AGTPBP1: variants seen among roughly 807,000 people sequenced by gnomAD.
The protein encoded by AGTPBP1 is ATP/GTP binding carboxypeptidase 1, also known as cytosolic carboxypeptidase 1.
A neutral mutation model predicts 143.9 loss-of-function variants in AGTPBP1; 70 were observed. The observed-to-expected ratio is 0.49, with a 90% confidence interval of 0.40 to 0.59. AGTPBP1 has a LOEUF of 0.59. Among genes scored for constraint, AGTPBP1 ranks in the 20% least tolerant of loss-of-function variants. AGTPBP1 has a pLI of 0.00. For missense variants in AGTPBP1, 1,229 were observed against 1,464.5 expected (o/e 0.84, Z 2.62); for synonymous variants, 463 against 500.2 (o/e 0.93, Z 0.99).
intron 23 of AGTPBP1, among the ~76,000 whole-genome samples, chr9:85,584,722 G>A (rs938883407): frequency 3.9e-5 from 6 of 152,046 alleles, no homozygotes; most frequent in African/African-American, 9.7e-5. Flanking sequence ...GATCAACTGG[G>A]GGCAGGAAGG....
At chr9:85,728,330 T>G (rs1032771338) in intron 1 of AGTPBP1, among the ~76,000 whole-genome samples, 3 of 152,140 alleles carry the variant, frequency 2.0e-5, no homozygotes, top group African/African-American at 7.2e-5. Flanking sequence ...AACTTAACTT[T>G]GAGGAGGAGG....
At chr9:85,708,186 C>A (rs1440485782) in intron 2 of AGTPBP1, among the ~76,000 whole-genome samples, 1 of 152,154 alleles carries the variant, frequency 6.6e-6, no homozygotes, top group Non-Finnish European at 1.5e-5. Flanking sequence ...CTCATGGCCT[C>A]TTTTTTACAT....
chr9:85,723,085 G>C (rs1319302619), intron 1 of AGTPBP1, among the ~76,000 whole-genome samples: 1 of 152,168 alleles, frequency 6.6e-6, no homozygotes, highest in Admixed American at 6.5e-5. Flanking sequence ...GGAGGTGTCT[G>C]TCAGCCCCTA....
chr9:85,550,329 G>C (rs1334094274), intron 25 of AGTPBP1, among the ~76,000 whole-genome samples: 2 of 152,216 alleles, frequency 1.3e-5, no homozygotes, highest in South Asian at 4.1e-4. Context: ...CATTCAGACT[G>C]CTATTCCAAT....
At chr9:85,750,206 G>C in the AGTPBP1 span, among the ~76,000 whole-genome samples, 3,636 of 152,294 alleles carry the variant, frequency 0.024, 68 homozygotes, top group Non-Finnish European at 0.039. Context: ...AAATAGTAGA[G>C]AGTCAACTCC....
intron 17 of AGTPBP1, among the ~76,000 whole-genome samples, chr9:85,615,112 A>C (rs1830532742): frequency 6.6e-6 from 1 of 152,178 alleles, no homozygotes; most frequent in Non-Finnish European, 1.5e-5. Context: ...CTACTTAACC[A>C]CTAAGAATAG....
chr9:85,789,962 C>T, the AGTPBP1 span, among the ~76,000 whole-genome samples: 2 of 152,140 alleles, frequency 1.3e-5, no homozygotes, highest in African/African-American at 2.4e-5. Context: ...GGCACCTACT[C>T]GTGACTTTAA....
chr9:85,711,801 C>T (rs565193896), intron 2 of AGTPBP1, among the ~76,000 whole-genome samples: 42 of 152,234 alleles, frequency 2.8e-4, no homozygotes, highest in Admixed American at 6.5e-4. Flanking sequence ...CATGCAGTCC[C>T]TGTCATAACT....
intron 1 of AGTPBP1, among the ~76,000 whole-genome samples, chr9:85,733,982 G>A (rs903968189): frequency 6.6e-5 from 10 of 152,300 alleles, no homozygotes; most frequent in Admixed American, 5.9e-4. Context: ...GGCTGGGCAC[G>A]GTGGCTCACG....
chr9:85,657,950 AT>A (rs1833632139), intron 9 of AGTPBP1, among the ~76,000 whole-genome samples: 1 of 152,104 alleles, frequency 6.6e-6, no homozygotes, highest in Non-Finnish European at 1.5e-5. Flanking sequence ...AGCTTCAGGT[AT>A]TTTACAATTT....
Position 85,585,605 on chromosome 9 carries a change from T to C in AGTPBP1, c.3034-11A>G, listed in dbSNP as rs1213178564. 21 of 1,570,062 alleles carry C rather than the reference T, an allele frequency of 1.3e-5. No individual in the cohort carries two copies. Among genetic ancestry groups the C allele is most frequent in the Non-Finnish European group, 1.8e-5 (21 of 1,162,554 alleles). ...ATAATCACAATAAACCTTGAAAATA[T>C]ATATTTTAAAAATTAAAAGACTTCA... On this transcript the variant is annotated splice_polypyrimidine_tract_variant and intron_variant, in intron 22 of 25. Coordinates refer to ENST00000357081, the MANE Select transcript of AGTPBP1 (RefSeq NM_001330701.2).
chr9:85,767,971 T>C, the AGTPBP1 span, among the ~76,000 whole-genome samples: 1 of 152,134 alleles, frequency 6.6e-6, no homozygotes, highest in Non-Finnish European at 1.5e-5. Flanking sequence ...AGCTCCTGGG[T>C]ACACATTAAA....
chr9:85,760,234 A>T, the AGTPBP1 span, among the ~76,000 whole-genome samples: 1 of 152,128 alleles, frequency 6.6e-6, no homozygotes, highest in Admixed American at 6.5e-5. Flanking sequence ...ATTCCAATCA[A>T]TAGAAAAAGA....
rs929648065 is a variant in AGTPBP1, at chr9:85,572,008, T to G, written c.3503+3307A>C. 2.4e-3 allele frequency among the ~76,000 whole-genome samples: 35 copies of G among 14,474 alleles called. 1 individual carries two copies. Among genetic ancestry groups the G allele is most frequent in the South Asian group, 0.018 (4 of 226 alleles). The allele number at this position is 14,474 out of a possible 152,430, so 9.5% of individuals were successfully genotyped here. ...CATTATTAGTTGTTTGTGTGTGTTT[T>G]TTTTTTTTTTTTTTTTTTTTTTTTT... On this transcript the variant is annotated intron_variant, in intron 25 of 25. Coordinates refer to ENST00000357081, the MANE Select transcript of AGTPBP1 (RefSeq NM_001330701.2).
At chr9:85,554,627 C>A (rs1449901892) in intron 25 of AGTPBP1, among the ~76,000 whole-genome samples, 2 of 152,108 alleles carry the variant, frequency 1.3e-5, no homozygotes, top group African/African-American at 4.8e-5. Flanking sequence ...CTAAAAGCCT[C>A]CCAGAAGATA....
At chr9:85,644,420 GC>G (rs1236676075) in intron 12 of AGTPBP1, among the ~76,000 whole-genome samples, 1 of 149,636 alleles carries the variant, frequency 6.7e-6, no homozygotes, top group Non-Finnish European at 1.5e-5. Context: ...TTACATAGTG[GC>G]TATTTGGAGA....
the AGTPBP1 span, among the ~76,000 whole-genome samples, chr9:85,757,655 C>T: frequency 6.6e-6 from 1 of 152,024 alleles, no homozygotes; most frequent in African/African-American, 2.4e-5. Context: ...ATACCTGACT[C>T]TGAAATGTGA....
intron 11 of AGTPBP1, among the ~76,000 whole-genome samples, chr9:85,652,548 G>A (rs1396327339): frequency 6.6e-6 from 1 of 152,140 alleles, no homozygotes; most frequent in Non-Finnish European, 1.5e-5. Flanking sequence ...CAGAGTTTCT[G>A]AGTTGGTGAA....
Position 85,588,299 on chromosome 9 carries a change from T to C in AGTPBP1, c.2902A>G (p.Asn968Asp), listed in dbSNP as rs1272342898. 6.3e-7 allele frequency: 1 copy of C among 1,597,654 alleles called. No individual in the cohort carries two copies. Among genetic ancestry groups the C allele is most frequent in the Non-Finnish European group, 8.5e-7 (1 of 1,172,134 alleles). ...MLNPDGVING[N>D]HRCSLSGEDL... is the part of the protein sequence containing the mutation. ...TTCTACAACTATTGCTTAACTTACT[T>C]TCCATTGATGACACCATCTGGATTT... The change falls in exon 21 of 26, where the codon AAT (asparagine) becomes GAT (aspartate). Residue 968 changes from asparagine (N) to aspartate (D), a missense_variant and splice_region_variant. Around this residue, in one of 2 missense-constraint regions of AGTPBP1, gnomAD observed 486 missense variants for 652.3 expected, o/e 0.75. Transcript: ENST00000357081.
Sources: gnomAD v4.1 joint callset for allele counts (sites outside exome capture counted in the v4.1 genomes callset) on GRCh38, gnomAD v4.1.1 for gene constraint, gnomAD v4.1.1 regional missense constraint, MANE v1.5 for transcripts, NCBI Gene and HGNC (gene_info 2026-07-23, HGNC 2026-07-21) for gene names.